The following EP400 variants were observed in gnomAD, a reference collection of about 807,000 sequenced individuals.
EP400 encodes the protein E1A binding protein p400, also known as E1A-binding protein p400.
EP400 carries 105 observed loss-of-function variants against 354.1 expected under a neutral mutation model. The observed-to-expected ratio is 0.30, with a 90% CI of 0.25 to 0.35. EP400 has a LOEUF of 0.35. Among genes scored for constraint, EP400 ranks in the 10% least tolerant of loss-of-function variants. The pLI is 1.00. For synonymous variants in EP400, 1,646 were observed against 1,716.9 expected (o/e 0.96, Z 1.02); for missense variants, 3,280 against 4,121.0 (o/e 0.80, Z 5.59).
chr12:132,047,924 G>A (rs1016295314), intron 39 of EP400, among the ~76,000 whole-genome samples: 10 of 152,178 alleles, frequency 6.6e-5, no homozygotes, highest in South Asian at 2.1e-4. Flanking sequence ...TTCTCAGGAT[G>A]TTCCTTGCTG....
intron 38 of EP400, 48 bp from the exon 39 acceptor site, chr12:132,045,679 C>T (rs1424582474): frequency 1.2e-6 from 2 of 1,607,848 alleles, no homozygotes; most frequent in African/African-American, 2.7e-5. Flanking sequence ...GGAAGACCTT[C>T]TGACTTAGAG....
intron 2 of EP400, among the ~76,000 whole-genome samples, chr12:131,963,042 A>T (rs1891948622): frequency 6.6e-6 from 1 of 152,100 alleles, no homozygotes; most frequent in South Asian, 2.1e-4. Context: ...TGAGGATTTC[A>T]CCTCTATTGT....
Position 132,030,141 on chromosome 12 carries a change from A to G in EP400, c.5737A>G (p.Ser1913Gly). The change falls in exon 29 of 53, where the codon AGC becomes GGC. Residue 1913 changes from serine to glycine, a missense_variant. Coordinates refer to ENST00000389561, the MANE Select transcript of EP400 (RefSeq NM_015409.5). ...CTATGTAAGAATCGATGAAAATGCCAGCAGTGAGCAACGGCAGGTGAGAAG... is the reference window on the plus strand; with the variant it reads ...CTATGTAAGAATCGATGAAAATGCCGGCAGTGAGCAACGGCAGGTGAGAAG... ...LTYVRIDENA[S>G]SEQRQELMRS... 1 of 1,614,232 alleles carries G rather than the reference A, an allele frequency of 6.2e-7. No homozygotes were observed. The highest frequency in any genetic ancestry group is 8.5e-7 in the Non-Finnish European group (1 of 1,180,032).
At chr12:131,968,896 T>C (rs1225392808) in intron 2 of EP400, among the ~76,000 whole-genome samples, 1 of 152,212 alleles carries the variant, frequency 6.6e-6, no homozygotes, top group African/African-American at 2.4e-5. Flanking sequence ...TATTTGAACC[T>C]ACATTCTGCA....
rs746483020 is a variant in EP400 at position 131,961,634 on chromosome 12, G to C, written c.1015G>C (p.Val339Leu). The C allele has an allele frequency of 6.3e-7, 1 of 1,597,858 alleles. No homozygotes were observed. Among genetic ancestry groups the C allele is most frequent in the South Asian group, 1.1e-5 (1 of 89,432 alleles). Residue 339 changes from valine (V) to leucine (L), a missense_variant, in exon 2 of 53, where the codon GTG becomes CTG. Val to Leu is a conservative substitution (Grantham distance 32, BLOSUM62 1). This residue lies in a region of EP400 where 85 missense variants were observed against 180.3 expected (regional missense o/e 0.47). Coordinates refer to ENST00000389561, the MANE Select transcript of EP400 (RefSeq NM_015409.5). ...CCTTTCCAGCCTCCCACTCACGTCT[G>C]TGGGGAACACGGGAATGAAGAAGGT... ...PGLSSLPLTS[V>L]GNTGMKKVPK... is the part of the protein sequence containing the mutation.
intron 51 of EP400, among the ~76,000 whole-genome samples, chr12:132,069,861 A>G (rs1896018274): frequency 6.6e-6 from 1 of 152,054 alleles, no homozygotes; most frequent in Non-Finnish European, 1.5e-5. Flanking sequence ...CTTTGCCTTC[A>G]TGTTCTGGAC....
intron 2 of EP400, among the ~76,000 whole-genome samples, chr12:131,974,987 CAAAA>C (rs764013155): frequency 6.9e-5 from 3 of 43,326 alleles, no homozygotes; most frequent in African/African-American, 7.8e-5. Flanking sequence ...GACTCCATCT[CAAAA>C]AAAAAAAAAA....
In EP400 at chr12:132,053,225, G is replaced by C. The variant is rs762853147; in HGVS notation, c.7473+1G>C. ...AGAGCGAATCGCAAAAGAGAAAAAGGTCAGCGCCCTGGGCCCTTCTGCTTG... is the reference window on the plus strand; with the variant it reads ...AGAGCGAATCGCAAAAGAGAAAAAGCTCAGCGCCCTGGGCCCTTCTGCTTG... On this transcript the variant is annotated splice_donor_variant, in intron 42 of 52. Transcript: ENST00000389561. LOFTEE classifies it high-confidence loss of function. 1 of 1,613,712 alleles carries C rather than the reference G, an allele frequency of 6.2e-7. No homozygotes were observed. The highest frequency in any genetic ancestry group is 8.5e-7 in the Non-Finnish European group (1 of 1,179,966).
At chr12:131,989,118 C>CTG (rs1892951689) in intron 7 of EP400, among the ~76,000 whole-genome samples, 1 of 151,970 alleles carries the variant, frequency 6.6e-6, no homozygotes. Context: ...GGATGCTGGG[C>CTG]TGGATGGGTG....
intron 13 of EP400, among the ~76,000 whole-genome samples, chr12:132,005,496 C>A (rs886848019): frequency 2.0e-5 from 3 of 152,154 alleles, no homozygotes; most frequent in Non-Finnish European, 4.4e-5. Flanking sequence ...GTTCAACACA[C>A]CAGTTTTGAG....
intron 23 of EP400, among the ~76,000 whole-genome samples, chr12:132,021,849 G>A (rs2136543518): frequency 6.6e-6 from 1 of 152,314 alleles, no homozygotes; most frequent in Middle Eastern, 3.4e-3. Context: ...AAAAAACACA[G>A]TTATTAATTT....
intron 45 of EP400, among the ~76,000 whole-genome samples, chr12:132,061,155 G>T (rs981094419): frequency 6.6e-6 from 1 of 152,176 alleles, no homozygotes; most frequent in South Asian, 2.1e-4. Flanking sequence ...GGGCTGAAAT[G>T]TGCACAGATC....
Position 131,994,718 on chromosome 12 carries a change from TAATTA to T in EP400, c.2738-144_2738-140del, listed in dbSNP as rs1893147684. The T allele has an allele frequency of 1.7e-6, 1 of 583,280 alleles. No individual in the cohort carries two copies. Among genetic ancestry groups the T allele is most frequent in the Admixed American group, 3.4e-5 (1 of 29,350 alleles). 36.1% of individuals were successfully genotyped at this position (583,280 alleles called of 1,614,324 possible). On this transcript the variant is annotated intron_variant, in intron 11 of 52. Coordinates refer to ENST00000389561, the MANE Select transcript of EP400 (RefSeq NM_015409.5). The surrounding 1 kb of genome is among the most constrained non-coding windows in gnomAD (Gnocchi z 4.6). ...ATACACTTCCAGTTTCCTGCCCATT[TAATTA>T]AATTTAACCTGAGAAGTTTAAAAGC... is the stretch of plus-strand genomic sequence containing the variant.
chr12:132,077,260 G>A, intron 52 of EP400, 141 bp from the exon 53 acceptor site: 1 of 1,078,912 alleles, frequency 9.3e-7, no homozygotes, highest in Non-Finnish European at 1.3e-6. Context: ...TCATACTGTT[G>A]TGTGACTGGT....
At chr12:131,973,532 A>G (rs1177221575) in intron 2 of EP400, among the ~76,000 whole-genome samples, 1 of 152,170 alleles carries the variant, frequency 6.6e-6, no homozygotes, top group Non-Finnish European at 1.5e-5. Context: ...ACTCCCAGCT[A>G]CTTGAGAGGC....
rs1465028891 is a variant in EP400, at chr12:131,966,260, C to A, written c.1335+4306C>A. 5.9e-5 allele frequency among the ~76,000 whole-genome samples: 9 copies of A among 151,606 alleles called. No homozygotes were observed. In the East Asian group the frequency reaches 1.8e-3, roughly 30 times the overall value. Reference sequence around the variant, plus strand: ...ACTTTGGGAGGCCAAGGTGGAGGATCACTTGAGGCTGGGAATTTAAGACCA... The same window carrying A: ...ACTTTGGGAGGCCAAGGTGGAGGATAACTTGAGGCTGGGAATTTAAGACCA... On this transcript the variant is annotated intron_variant, in intron 2 of 52. Coordinates refer to ENST00000389561, the MANE Select transcript of EP400 (RefSeq NM_015409.5).
chr12:132,077,824 T>C lies in EP400; in HGVS notation c.*151T>C, dbSNP rs1355479945. Reference sequence around the variant, plus strand: ...AAATAGTGTAATCATTTTATTAAAATGCATCCCACACTGCAGGACAAATGG... The same window carrying C: ...AAATAGTGTAATCATTTTATTAAAACGCATCCCACACTGCAGGACAAATGG... On this transcript the variant is annotated 3_prime_UTR_variant, in exon 53 of 53. Coordinates refer to ENST00000389561, the MANE Select transcript of EP400 (RefSeq NM_015409.5). The C allele has an allele frequency of 2.9e-6, 3 of 1,026,578 alleles. No homozygotes were observed. The highest frequency in any genetic ancestry group is 3.2e-5 in the African/African-American group (2 of 61,702). The allele number at this position is 1,026,578 out of a possible 1,614,324, so 63.6% of individuals were successfully genotyped here.
rs922931427 is a variant in EP400 at position 131,981,394 on chromosome 12, C to T, written c.1436-95C>T. On this transcript the variant is annotated intron_variant, in intron 3 of 52. Coordinates refer to ENST00000389561, the MANE Select transcript of EP400 (RefSeq NM_015409.5). ...TTAGTTCATGTATAGAAAGGCCTCCCTTTTCCAAGATGATAAAAACACACA... is the reference window on the plus strand; with the variant it reads ...TTAGTTCATGTATAGAAAGGCCTCCTTTTTCCAAGATGATAAAAACACACA... 4.6e-5 allele frequency: 46 copies of T among 1,008,948 alleles called. 1 individual carries two copies. In the South Asian group the frequency reaches 4.7e-4, roughly 10 times the overall value. The allele number at this position is 1,008,948 out of a possible 1,614,324, so 62.5% of individuals were successfully genotyped here. A position where few individuals can be genotyped will look rare whatever the true frequency, so the allele number is the denominator to read the frequency against.
intron 1 of EP400, among the ~76,000 whole-genome samples, chr12:131,958,045 T>C (rs1481516121): frequency 6.6e-6 from 1 of 152,360 alleles, no homozygotes; most frequent in Admixed American, 6.5e-5. Flanking sequence ...AGTTTCTTTC[T>C]AGCCCTCATT....
Sources: gnomAD v4.1 joint callset for allele counts (sites outside exome capture counted in the v4.1 genomes callset) on GRCh38, gnomAD v4.1.1 for gene constraint, gnomAD v4.1.1 regional missense constraint, Gnocchi (gnomAD v3.1) non-coding constraint, MANE v1.5 for transcripts, NCBI Gene and HGNC (gene_info 2026-07-23, HGNC 2026-07-21) for gene names.